ADAM23: variants seen among roughly 807,000 people sequenced by gnomAD.
ADAM23 encodes ADAM metallopeptidase domain 23.
In ADAM23, 33 loss-of-function variants were observed where a neutral mutation model predicts 120.1. The observed-to-expected ratio is 0.27, with a 90% CI of 0.21 to 0.37. ADAM23 has a LOEUF of 0.37. Among genes scored for constraint, ADAM23 ranks in the 10% least tolerant of loss-of-function variants. The pLI is 1.00. For synonymous variants in ADAM23, 367 were observed against 375.2 expected, an observed-to-expected ratio of 0.98 and a Z score of 0.25; for missense variants, 862 against 1,058.2, an observed-to-expected ratio of 0.81 and a Z score of 2.57.
rs115969391 is a variant in ADAM23, at chr2:206,615,357, C to T, written c.2451-2222C>T. ...AGAATCCTAGTGAGCGGAGGGTATT[C>T]AGAGGAAACCGTTATGAAGAAAGTC... On this transcript the variant is annotated intron_variant, in intron 25 of 25. Transcript: ENST00000264377. Among the ~76,000 whole-genome samples, 1,117 of 152,282 alleles carry T rather than the reference C, an allele frequency of 7.3e-3. 21 individuals are homozygous for T. Among genetic ancestry groups the T allele is most frequent in the African/African-American group, 0.026 (1,065 of 41,550 alleles).
chr2:206,475,257 A>G (rs1695753198), intron 2 of ADAM23, among the ~76,000 whole-genome samples: 1 of 152,222 alleles, frequency 6.6e-6, no homozygotes, highest in South Asian at 2.1e-4. Context: ...TGCAATCACC[A>G]GTGTATCAAT....
At chr2:206,552,753 C>T (rs945191759) in intron 9 of ADAM23, among the ~76,000 whole-genome samples, 9 of 152,242 alleles carry the variant, frequency 5.9e-5, no homozygotes, top group African/African-American at 9.6e-5. Context: ...CCTGCGCCTC[C>T]GCAGCTCAAG....
At chr2:206,585,019 G>T (rs1005860122) in intron 18 of ADAM23, among the ~76,000 whole-genome samples, 2 of 152,162 alleles carry the variant, frequency 1.3e-5, no homozygotes, top group East Asian at 3.9e-4. Flanking sequence ...CTTCTCCAGC[G>T]GGGGTGTGTG....
chr2:206,609,737 A>G lies in ADAM23; in HGVS notation c.2360-173A>G, dbSNP rs868162626. ...ATTTAAAGGCATATAAATCCAAGCA[A>G]CGCTCACCGTAGCATCTAAAATGCA... is the stretch of plus-strand genomic sequence containing the variant. On this transcript the variant is annotated intron_variant, in intron 24 of 25. Coordinates refer to ENST00000264377, the MANE Select transcript of ADAM23 (RefSeq NM_003812.4). The G allele has an allele frequency of 9.0e-6, 5 of 557,746 alleles. No homozygotes were observed. The South Asian group carries it at 1.0e-4, about 11-fold the overall frequency. 34.5% of individuals were successfully genotyped at this position (557,746 alleles called of 1,614,324 possible).
chr2:206,504,933 T>C (rs537716656), intron 3 of ADAM23, among the ~76,000 whole-genome samples: 56 of 152,318 alleles, frequency 3.7e-4, no homozygotes, highest in African/African-American at 1.3e-3. Context: ...AATATTTAAA[T>C]AGTAAAGATT....
intron 25 of ADAM23, among the ~76,000 whole-genome samples, chr2:206,615,528 G>A (rs999576277): frequency 5.3e-5 from 8 of 152,212 alleles, no homozygotes; most frequent in East Asian, 3.8e-4. Context: ...TTCACAGTCC[G>A]CTTGCCACAG....
chr2:206,526,594 T>C (rs977730160), intron 3 of ADAM23, among the ~76,000 whole-genome samples: 2 of 152,210 alleles, frequency 1.3e-5, no homozygotes, highest in African/African-American at 4.8e-5. Context: ...GCAGGGATTT[T>C]AGTGGTCACA....
At chr2:206,457,712 G>C (rs1425635835) in intron 2 of ADAM23, among the ~76,000 whole-genome samples, 1 of 151,224 alleles carries the variant, frequency 6.6e-6, no homozygotes, top group Non-Finnish European at 1.5e-5. Context: ...CTTCTTTCTT[G>C]TATATGGAAC....
At chr2:206,524,068 G>A (rs1377152040) in intron 3 of ADAM23, among the ~76,000 whole-genome samples, 1 of 152,020 alleles carries the variant, frequency 6.6e-6, no homozygotes, top group Non-Finnish European at 1.5e-5. Context: ...TGTGATTAGG[G>A]CTCCCAGTAC....
At chr2:206,457,382 G>T (rs1003336573) in intron 2 of ADAM23, among the ~76,000 whole-genome samples, 3 of 152,216 alleles carry the variant, frequency 2.0e-5, no homozygotes, top group African/African-American at 7.2e-5. Flanking sequence ...AAACGACCAG[G>T]ACTGTGGTTT....
chr2:206,508,516 C>CGTG (rs1012343028), intron 3 of ADAM23, among the ~76,000 whole-genome samples: 8 of 151,758 alleles, frequency 5.3e-5, no homozygotes, highest in Non-Finnish European at 1.2e-4. Flanking sequence ...ATTAGCCGGG[C>CGTG]GTGGTGGCTC....
intron 3 of ADAM23, among the ~76,000 whole-genome samples, chr2:206,518,497 TA>T (rs1696779098): frequency 6.6e-6 from 1 of 152,320 alleles, no homozygotes; most frequent in South Asian, 2.1e-4. Flanking sequence ...TCTTTGTGAT[TA>T]AAAACATGTT....
At chr2:206,523,758 G>A (rs1036622373) in intron 3 of ADAM23, among the ~76,000 whole-genome samples, 1 of 152,096 alleles carries the variant, frequency 6.6e-6, no homozygotes, top group Non-Finnish European at 1.5e-5. Flanking sequence ...TTATATGAAT[G>A]TATTGAGTTT....
At chr2:206,550,256 C>A in intron 9 of ADAM23, 96 bp downstream of exon 9, 1 of 654,080 alleles carries the variant, frequency 1.5e-6, no homozygotes, top group East Asian at 3.3e-5. Context: ...TACTTATTAA[C>A]CCCAAGATAT....
intron 3 of ADAM23, among the ~76,000 whole-genome samples, chr2:206,486,064 A>G (rs1331587396): frequency 6.6e-6 from 1 of 152,204 alleles, no homozygotes; most frequent in East Asian, 1.9e-4. Context: ...ATCAGAGAGG[A>G]AGCAGCTGTG....
At chr2:206,576,782 T>C (rs1399996991) in intron 18 of ADAM23, among the ~76,000 whole-genome samples, 1 of 152,136 alleles carries the variant, frequency 6.6e-6, no homozygotes, top group African/African-American at 2.4e-5. Context: ...CGGTTTATAA[T>C]AGAATAAACA....
At chr2:206,533,992 A>G (rs1433277986) in intron 4 of ADAM23, among the ~76,000 whole-genome samples, 1 of 152,232 alleles carries the variant, frequency 6.6e-6, no homozygotes, top group African/African-American at 2.4e-5. Context: ...ACAACTTTAA[A>G]AAGTAATTTA....
intron 2 of ADAM23, among the ~76,000 whole-genome samples, chr2:206,466,733 G>A (rs1212662368): frequency 6.6e-6 from 1 of 152,186 alleles, no homozygotes; most frequent in South Asian, 2.1e-4. Context: ...GTGTAAAGAA[G>A]AGGTTTAATT....
intron 21 of ADAM23, among the ~76,000 whole-genome samples, chr2:206,589,721 T>A (rs1488971232): frequency 6.6e-6 from 1 of 152,228 alleles, no homozygotes; most frequent in Non-Finnish European, 1.5e-5. Context: ...TTCATGCCAT[T>A]TTCACAAAAT....
Sources: allele counts gnomAD v4.1 joint callset (sites outside exome capture counted in the v4.1 genomes callset), GRCh38; gene constraint gnomAD v4.1.1; transcripts MANE v1.5; gene names NCBI Gene and HGNC (gene_info 2026-07-23, HGNC 2026-07-21).